ANKRD13C: variants seen among roughly 807,000 people sequenced by gnomAD.
ANKRD13C encodes the protein ankyrin repeat domain 13C.
Under a neutral mutation model 65.5 loss-of-function variants are expected in ANKRD13C, and 16 were observed. The ratio of observed to expected loss-of-function variants is 0.24; its 90% CI spans 0.17 to 0.37. ANKRD13C has a LOEUF of 0.37. Ranked by LOEUF, ANKRD13C falls within the 10% of genes least tolerant of loss-of-function variation. The probability of loss-of-function intolerance (pLI) is 1.00; values close to 1 mark genes in which losing one functional copy is unlikely to be tolerated. For missense variants in ANKRD13C, 503 were observed against 655.9 expected (o/e 0.77, Z 2.55); for synonymous variants, 235 against 238.7 (o/e 0.98, Z 0.14).
chr1:70,342,844 T>C (rs139213477), intron 1 of ANKRD13C, among the ~76,000 whole-genome samples: 121 of 152,142 alleles, frequency 8.0e-4, no homozygotes, highest in African/African-American at 2.6e-3. Flanking sequence ...CTTTTAACAA[T>C]GTATCCTTTT....
intron 3 of ANKRD13C, among the ~76,000 whole-genome samples, chr1:70,321,461 C>T (rs539011459): frequency 1.1e-4 from 17 of 152,236 alleles, no homozygotes; most frequent in African/African-American, 3.9e-4. Context: ...ACATTAACAC[C>T]TTTGATGTGC....
intron 8 of ANKRD13C, among the ~76,000 whole-genome samples, chr1:70,294,027 C>T (rs1381615779): frequency 6.6e-6 from 1 of 152,094 alleles, no homozygotes; most frequent in African/African-American, 2.4e-5. Flanking sequence ...TGTTAAGTTA[C>T]AGTATATCCA....
intron 9 of ANKRD13C, among the ~76,000 whole-genome samples, chr1:70,283,039 G>A (rs1679466030): frequency 6.6e-6 from 1 of 152,036 alleles, no homozygotes; most frequent in African/African-American, 2.4e-5. Flanking sequence ...AGTAAAGACT[G>A]TAATCAATGT....
rs371310160 is a variant in ANKRD13C, at chr1:70,347,432, C to T, written c.430+6547G>A. The stretch of plus-strand genomic sequence containing the variant: ...CATTAACTTGGGGCAGCTATCCTAC[C>T]GAAAACTCAATTCTCCAATGAGTCC... On this transcript the variant is annotated intron_variant, in intron 1 of 12. Coordinates refer to ENST00000370944, the MANE Select transcript of ANKRD13C (RefSeq NM_030816.5). 7.2e-5 allele frequency among the ~76,000 whole-genome samples: 11 copies of T among 152,238 alleles called. No individual in the cohort carries two copies. In the East Asian group the frequency reaches 1.5e-3, roughly 21 times the overall value.
At chr1:70,302,782 C>T (rs1380380008) in intron 6 of ANKRD13C, among the ~76,000 whole-genome samples, 1 of 150,560 alleles carries the variant, frequency 6.6e-6, no homozygotes, top group Non-Finnish European at 1.5e-5. Flanking sequence ...GGGACTCTTC[C>T]CCTATCTCTA....
At chr1:70,286,764 T>C (rs980345016) in intron 9 of ANKRD13C, among the ~76,000 whole-genome samples, 1 of 152,234 alleles carries the variant, frequency 6.6e-6, no homozygotes, top group Non-Finnish European at 1.5e-5. Context: ...GGCAGGCAGA[T>C]GACCTGAGGT....
intron 11 of ANKRD13C, 58 bp from the exon 12 acceptor site, chr1:70,271,014 T>C (rs964803318): frequency 2.7e-6 from 3 of 1,108,126 alleles, no homozygotes; most frequent in African/African-American, 3.1e-5. Flanking sequence ...TGTGTCCTTA[T>C]GCTTTTCAAC....
intron 10 of ANKRD13C, 80 bp downstream of exon 10, chr1:70,276,685 G>T: frequency 9.0e-7 from 1 of 1,116,116 alleles, no homozygotes; most frequent in Non-Finnish European, 1.3e-6. Flanking sequence ...AATAATTTAC[G>T]CCAAAATATT....
intron 2 of ANKRD13C, among the ~76,000 whole-genome samples, chr1:70,333,765 G>A (rs1006021948): frequency 2.0e-5 from 3 of 152,136 alleles, no homozygotes; most frequent in Admixed American, 1.3e-4. Flanking sequence ...GAATACCGCA[G>A]ATATAAAGAA....
intron 1 of ANKRD13C, among the ~76,000 whole-genome samples, chr1:70,350,585 T>C (rs1682704390): frequency 6.6e-6 from 1 of 152,200 alleles, no homozygotes; most frequent in Non-Finnish European, 1.5e-5. Flanking sequence ...TGTCCAATGG[T>C]AGAATCTCTT....
chr1:70,296,907 A>C (rs1470179246), intron 7 of ANKRD13C, among the ~76,000 whole-genome samples: 1 of 152,206 alleles, frequency 6.6e-6, no homozygotes, highest in South Asian at 2.1e-4. Flanking sequence ...GTCATGCTTC[A>C]GGTTTTATCC....
intron 12 of ANKRD13C, among the ~76,000 whole-genome samples, chr1:70,269,281 A>G (rs1678776341): frequency 6.6e-6 from 1 of 152,196 alleles, no homozygotes. Context: ...CCTGCAAAAA[A>G]AGGACTGCAG....
At chr1:70,269,802 G>T (rs34884772) in intron 12 of ANKRD13C, among the ~76,000 whole-genome samples, 3,433 of 151,882 alleles carry the variant, frequency 0.023, 58 homozygotes, top group Non-Finnish European at 0.036. Flanking sequence ...TGAAGATCAG[G>T]TTTAATTTTT....
At chr1:70,313,519 A>G (rs1335158027) in intron 5 of ANKRD13C, among the ~76,000 whole-genome samples, 1 of 149,878 alleles carries the variant, frequency 6.7e-6, no homozygotes, top group Non-Finnish European at 1.5e-5. Context: ...AACAGTGAGA[A>G]CTTGTCTCAA....
At chr1:70,316,385 T>C (rs959287153) in intron 3 of ANKRD13C, among the ~76,000 whole-genome samples, 1 of 151,914 alleles carries the variant, frequency 6.6e-6, no homozygotes, top group African/African-American at 2.4e-5. Flanking sequence ...CTCTCCTTTG[T>C]CAAGTAAGAA....
intron 9 of ANKRD13C, among the ~76,000 whole-genome samples, chr1:70,279,220 A>G (rs1419153560): frequency 6.6e-6 from 1 of 151,694 alleles, no homozygotes; most frequent in Non-Finnish European, 1.5e-5. Flanking sequence ...AGAAATTAAA[A>G]AAGAGAGAGA....
intron 6 of ANKRD13C, among the ~76,000 whole-genome samples, chr1:70,301,898 G>C (rs1364123734): frequency 6.6e-6 from 1 of 152,162 alleles, no homozygotes; most frequent in African/African-American, 2.4e-5. Flanking sequence ...CAGTCCTAAA[G>C]CCAAGAAACT....
At chr1:70,290,168 A>G (rs149140548) in intron 9 of ANKRD13C, among the ~76,000 whole-genome samples, 110 of 152,288 alleles carry the variant, frequency 7.2e-4, no homozygotes, top group African/African-American at 2.5e-3. Context: ...AACATTTTAC[A>G]TAATGTACTC....
At chr1:70,342,771 C>T (rs565346798) in intron 1 of ANKRD13C, among the ~76,000 whole-genome samples, 1 of 148,742 alleles carries the variant, frequency 6.7e-6, no homozygotes, top group Non-Finnish European at 1.5e-5. Context: ...CACACACACA[C>T]AAAATAACAC....
Sources: allele counts gnomAD v4.1 joint callset (sites outside exome capture counted in the v4.1 genomes callset), GRCh38; gene constraint gnomAD v4.1.1; transcripts MANE v1.5; gene names NCBI Gene and HGNC (gene_info 2026-07-23, HGNC 2026-07-21).